The following IL13RA1 variants were observed in gnomAD, a reference collection of about 807,000 sequenced individuals.
IL13RA1 encodes interleukin-13 receptor subunit alpha-1.
Under a neutral mutation model 33.8 loss-of-function variants are expected in IL13RA1, and 14 were observed. That is an observed-to-expected ratio of 0.41 (90% CI 0.27 to 0.65). IL13RA1 has a LOEUF of 0.65. Ranked by LOEUF, IL13RA1 falls within the 30% of genes least tolerant of loss-of-function variation. IL13RA1 has a pLI of 0.28. For synonymous variants in IL13RA1, 116 were observed against 115.7 expected, an observed-to-expected ratio of 1.00 and a Z score of -0.02; for missense variants, 313 against 327.0, an observed-to-expected ratio of 0.96 and a Z score of 0.33.
At chrX:118,787,356 G>A (rs1307960272) in intron 10 of IL13RA1, among the ~76,000 whole-genome samples, 1 of 111,079 alleles carries the variant, frequency 9.0e-6, no homozygotes, top group Non-Finnish European at 1.9e-5. Flanking sequence ...TGTACGAATA[G>A]GGTGTGGGTC....
In IL13RA1 at chrX:118,742,041, C is replaced by T. The variant is rs770659671; in HGVS notation, c.228+885C>T. On this transcript the variant is annotated intron_variant, in intron 2 of 10. Coordinates refer to ENST00000371666, the MANE Select transcript of IL13RA1 (RefSeq NM_001560.3). ...CTTAACCTCTCTGAGCGTTTGTTTCCTTATGTATAAAGTATGGCTTTACTC... is the reference window on the plus strand; with the variant it reads ...CTTAACCTCTCTGAGCGTTTGTTTCTTTATGTATAAAGTATGGCTTTACTC... 2.7e-5 allele frequency among the ~76,000 whole-genome samples: 3 copies of T among 111,379 alleles called. No individual in the cohort carries two copies. In the East Asian group the frequency reaches 8.4e-4, roughly 31 times the overall value.
chrX:118,795,227 A>AAAAAAAAAAAAAAAAAAAAAAAAG (rs200347606), downstream of IL13RA1, among the ~76,000 whole-genome samples: 6 of 95,000 alleles, frequency 6.3e-5, no homozygotes, highest in African/African-American at 2.9e-4. Context: ...AAAAAAAAAA[A>AAAAAAAAAAAAAAAAAAAAAAAAG]AAAGAAAAAG....
At chrX:118,767,278 C>T (rs1173965386) in intron 8 of IL13RA1, among the ~76,000 whole-genome samples, 1 of 112,006 alleles carries the variant, frequency 8.9e-6, no homozygotes, top group Non-Finnish European at 1.9e-5. Flanking sequence ...CAGTGACTCA[C>T]GCCTGTGATC....
At chrX:118,754,971 A>T (rs747577423) in intron 4 of IL13RA1, among the ~76,000 whole-genome samples, 1 of 88,150 alleles carries the variant, frequency 1.1e-5, no homozygotes, top group South Asian at 6.2e-4. Flanking sequence ...TTTTTTGGAG[A>T]CAGAGTCTCA....
intron 1 of IL13RA1, among the ~76,000 whole-genome samples, chrX:118,737,511 A>G (rs2017294948): frequency 9.0e-6 from 1 of 111,602 alleles, no homozygotes; most frequent in Non-Finnish European, 1.9e-5. Flanking sequence ...TTTAAAGTGT[A>G]GGAAGTAGAA....
intron 10 of IL13RA1, among the ~76,000 whole-genome samples, chrX:118,789,599 T>C (rs775790866): frequency 4.5e-5 from 5 of 111,933 alleles, no homozygotes; most frequent in African/African-American, 1.3e-4. Flanking sequence ...TAAAGCTCTT[T>C]ACGTATTAGA....
At chrX:118,745,871 T>C (rs987738206) in intron 2 of IL13RA1, among the ~76,000 whole-genome samples, 2 of 111,798 alleles carry the variant, frequency 1.8e-5, no homozygotes, top group Admixed American at 1.9e-4. Flanking sequence ...TTAATCTTAT[T>C]ATTCTCAGTC....
intron 10 of IL13RA1, among the ~76,000 whole-genome samples, chrX:118,779,498 T>G (rs971194161): frequency 8.9e-6 from 1 of 111,953 alleles, no homozygotes; most frequent in Non-Finnish European, 1.9e-5. Context: ...CAAAAATGCA[T>G]TAATATATAC....
At chrX:118,767,068 G>T in intron 8 of IL13RA1, 92 bp downstream of exon 8, 1 of 470,241 alleles carries the variant, frequency 2.1e-6, no homozygotes, top group Non-Finnish European at 3.5e-6. Flanking sequence ...GGACTGTCAT[G>T]CTCTCTTGAT....
At chrX:118,801,933 A>G in the IL13RA1 span, among the ~76,000 whole-genome samples, 1 of 112,725 alleles carries the variant, frequency 8.9e-6, no homozygotes, top group Non-Finnish European at 1.9e-5. Context: ...ATGCTTCTAC[A>G]AACACTTAAA....
intron 8 of IL13RA1, among the ~76,000 whole-genome samples, chrX:118,772,872 C>T (rs188443585): frequency 8.9e-6 from 1 of 112,389 alleles, no homozygotes; most frequent in East Asian, 2.8e-4. Flanking sequence ...ATGTCACTGA[C>T]ATCCGTCTCA....
chrX:118,776,743 A>G (rs1291177181), intron 10 of IL13RA1, among the ~76,000 whole-genome samples: 4 of 108,861 alleles, frequency 3.7e-5, no homozygotes, highest in Non-Finnish European at 7.6e-5. Flanking sequence ...ACCAGCCTGG[A>G]CAGCATGCCA....
intron 4 of IL13RA1, among the ~76,000 whole-genome samples, 173 bp downstream of exon 4, chrX:118,749,951 A>C (rs1464992850): frequency 8.9e-6 from 1 of 112,068 alleles, no homozygotes; most frequent in Admixed American, 9.5e-5. Flanking sequence ...TTTTTAAATA[A>C]ACTTTCTATT....
At chrX:118,751,486 G>A (rs2017469133) in intron 4 of IL13RA1, among the ~76,000 whole-genome samples, 1 of 111,505 alleles carries the variant, frequency 9.0e-6, no homozygotes, top group South Asian at 3.8e-4. Flanking sequence ...ATAGATTCCT[G>A]TGGGAAGTTA....
chrX:118,739,309 C>T (rs1355167432), intron 1 of IL13RA1, among the ~76,000 whole-genome samples: 1 of 111,745 alleles, frequency 8.9e-6, no homozygotes, highest in Non-Finnish European at 1.9e-5. Flanking sequence ...GTTAGAGAAA[C>T]CTCAACTACA....
chrX:118,795,621 C>G (rs1373245197), downstream of IL13RA1, among the ~76,000 whole-genome samples: 1 of 111,878 alleles, frequency 8.9e-6, no homozygotes, highest in Non-Finnish European at 1.9e-5. Context: ...AATTGAGAAC[C>G]CCCTTGAGGT....
chrX:118,736,884 G>A (rs996077088), intron 1 of IL13RA1, among the ~76,000 whole-genome samples: 6 of 113,035 alleles, frequency 5.3e-5, no homozygotes, highest in Non-Finnish European at 9.4e-5. Flanking sequence ...TCGGCCTACC[G>A]AAGTGCTGGG....
Position 118,761,166 on chromosome X carries a change from C to T in IL13RA1, c.705C>T (p.Asn235=). 2 of 1,025,908 alleles carry T rather than the reference C, an allele frequency of 1.9e-6. No individual in the cohort carries two copies. Among genetic ancestry groups the T allele is most frequent in the Non-Finnish European group, 1.3e-6 (1 of 748,736 alleles). 84.5% of individuals were successfully genotyped at this position (1,025,908 alleles called of 1,213,427 possible). Residue 235 remains asparagine (N), a synonymous_variant, in exon 6 of 11, where the codon AAC becomes AAT. Coordinates refer to ENST00000371666, the MANE Select transcript of IL13RA1 (RefSeq NM_001560.3). ...AACCTGATCCTCCACATATTAAAAA[C>T]CTCTCCTTCCACAATGATGACCTAT... ...RVKPDPPHIK[N]LSFHNDDLYV...
intron 10 of IL13RA1, among the ~76,000 whole-genome samples, chrX:118,780,795 G>A (rs2017835080): frequency 9.0e-6 from 1 of 111,708 alleles, no homozygotes; most frequent in Non-Finnish European, 1.9e-5. Context: ...AATTTGGCAG[G>A]GACATATATC....
Sources: gnomAD v4.1 joint callset for allele counts (sites outside exome capture counted in the v4.1 genomes callset) on GRCh38, gnomAD v4.1.1 for gene constraint, MANE v1.5 for transcripts, NCBI Gene and HGNC (gene_info 2026-07-23, HGNC 2026-07-21) for gene names.